CEP135: variants seen among roughly 807,000 people sequenced by gnomAD.
CEP135 encodes the protein centrosomal protein 135.
CEP135 carries 142 observed loss-of-function variants against 157.3 expected under a neutral mutation model. That is an observed-to-expected ratio of 0.90 (90% CI 0.79 to 1.04). CEP135 has a LOEUF of 1.04. Ranked by LOEUF, CEP135 falls within the 50% of genes least tolerant of loss-of-function variation. The pLI is 0.00. For missense variants in CEP135, 1,317 were observed against 1,309.2 expected (o/e 1.01, Z -0.09); for synonymous variants, 396 against 439.8 (o/e 0.90, Z 1.25).
chr4:56,010,161 C>T (rs1294761032), intron 19 of CEP135, among the ~76,000 whole-genome samples: 2 of 138,022 alleles, frequency 1.4e-5, no homozygotes, highest in African/African-American at 2.9e-5. Flanking sequence ...ACCAGCCTGG[C>T]CAACATTGTG....
intron 15 of CEP135, among the ~76,000 whole-genome samples, chr4:55,998,150 G>A (rs1387081876): frequency 6.6e-6 from 1 of 152,032 alleles, no homozygotes; most frequent in Non-Finnish European, 1.5e-5. Context: ...CCCTTTAGGC[G>A]ATTCTAAGCT....
At chr4:56,030,693 G>T (rs887281366) in intron 25 of CEP135, among the ~76,000 whole-genome samples, 2 of 152,040 alleles carry the variant, frequency 1.3e-5, no homozygotes, top group Admixed American at 1.3e-4. Context: ...GGGTTCAAGC[G>T]ATCCTCCTGC....
intron 21 of CEP135, among the ~76,000 whole-genome samples, chr4:56,014,771 G>A (rs1201468658): frequency 1.3e-5 from 2 of 152,148 alleles, no homozygotes; most frequent in Non-Finnish European, 2.9e-5. Flanking sequence ...GCTGACACCT[G>A]TAATCCTAGT....
At chr4:55,981,144 T>A in intron 12 of CEP135, 83 bp from the exon 13 acceptor site, 1 of 1,350,332 alleles carries the variant, frequency 7.4e-7, no homozygotes, top group South Asian at 1.4e-5. Flanking sequence ...ATGCCTTTTT[T>A]AACTGGAAAC....
chr4:55,980,325 G>T, intron 12 of CEP135, 30 bp downstream of exon 12: 1 of 1,393,216 alleles, frequency 7.2e-7, no homozygotes, highest in Non-Finnish European at 1.0e-6. Flanking sequence ...TAAGCCAATA[G>T]ATTGTATAGA....
chr4:56,029,748 T>C (rs1157744092), intron 25 of CEP135, among the ~76,000 whole-genome samples: 1 of 152,192 alleles, frequency 6.6e-6, no homozygotes, highest in Non-Finnish European at 1.5e-5. Context: ...ATGGTATTTG[T>C]GCATCTAAAC....
At chr4:55,951,534 G>A (rs142437875) in intron 1 of CEP135, among the ~76,000 whole-genome samples, 85 of 152,274 alleles carry the variant, frequency 5.6e-4, no homozygotes, top group African/African-American at 1.9e-3. Flanking sequence ...CCTATGCGAG[G>A]TGTCTGTTCG....
chr4:56,030,555 A>C (rs913744887), intron 25 of CEP135, among the ~76,000 whole-genome samples: 1 of 152,172 alleles, frequency 6.6e-6, no homozygotes, highest in Non-Finnish European at 1.5e-5. Context: ...CCTGGGCTCA[A>C]GCAGTCTCCC....
intron 19 of CEP135, among the ~76,000 whole-genome samples, chr4:56,010,526 GTA>G (rs1730545580): frequency 6.6e-6 from 1 of 152,102 alleles, no homozygotes; most frequent in Non-Finnish European, 1.5e-5. Flanking sequence ...ATGAAATTCT[GTA>G]TGTCAGAAAT....
intron 7 of CEP135, chr4:55,964,895 G>A (rs1025792118): frequency 1.3e-5 from 2 of 151,388 alleles, no homozygotes; most frequent in African/African-American, 4.9e-5. Context: ...ATCTACTTAC[G>A]TAGTGGATTC....
At chr4:56,027,356 C>G (rs528693225) in intron 25 of CEP135, among the ~76,000 whole-genome samples, 1 of 152,322 alleles carries the variant, frequency 6.6e-6, no homozygotes, top group South Asian at 2.1e-4. Flanking sequence ...CACAGCCACA[C>G]CCATTTGTTA....
At chr4:56,020,826 C>G (rs994560431) in intron 24 of CEP135, 46 bp downstream of exon 24, 2 of 1,360,740 alleles carry the variant, frequency 1.5e-6, no homozygotes, top group Non-Finnish European at 2.1e-6. Flanking sequence ...TATGTGTTCT[C>G]TATTGTACTT....
At chr4:55,953,833 A>G (rs1171893916) in intron 3 of CEP135, among the ~76,000 whole-genome samples, 1 of 152,184 alleles carries the variant, frequency 6.6e-6, no homozygotes, top group Non-Finnish European at 1.5e-5. Context: ...CAAGTAGAAT[A>G]GGATGATTTC....
intron 10 of CEP135, among the ~76,000 whole-genome samples, chr4:55,972,813 C>T (rs553441686): frequency 7.9e-5 from 12 of 152,278 alleles, no homozygotes; most frequent in African/African-American, 2.9e-4. Flanking sequence ...AGGCGGATCA[C>T]CTGAGGTCGG....
intron 11 of CEP135, among the ~76,000 whole-genome samples, chr4:55,978,226 A>G (rs1486782873): frequency 1.3e-5 from 2 of 152,204 alleles, no homozygotes; most frequent in Non-Finnish European, 2.9e-5. Context: ...CTAGACACTG[A>G]AGATGTAATG....
Position 56,011,496 on chromosome 4 carries a change from C to A in CEP135, c.2590C>A (p.Arg864=). Residue 864 remains arginine (R), a synonymous_variant, in exon 20 of 26, where the codon CGA becomes AGA. Transcript: ENST00000257287. ...TCATAAATACATAACAGAGGTGTCA[C>A]GATGGGAGAGCTTAATGGCTGCCAA... ...RVHKYITEVS[R]WESLMAAKEK... The A allele has an allele frequency of 1.2e-6, 2 of 1,607,272 alleles. No homozygotes were observed. Among genetic ancestry groups the A allele is most frequent in the South Asian group, 1.1e-5 (1 of 89,586 alleles).
At chr4:55,982,446 G>A (rs924494152) in intron 13 of CEP135, among the ~76,000 whole-genome samples, 3 of 152,088 alleles carry the variant, frequency 2.0e-5, no homozygotes, top group African/African-American at 7.2e-5. Context: ...GGTACTATCT[G>A]CCTTTTGTAT....
chr4:56,006,300 T>C (rs1387453152), intron 17 of CEP135, among the ~76,000 whole-genome samples: 2 of 152,238 alleles, frequency 1.3e-5, no homozygotes, highest in Non-Finnish European at 2.9e-5. Flanking sequence ...TTTGACTGCG[T>C]AATTTCAAAT....
chr4:56,009,602 A>G (rs567994211), intron 18 of CEP135, 133 bp from the exon 19 acceptor site: 3 of 712,228 alleles, frequency 4.2e-6, no homozygotes, highest in Non-Finnish European at 6.6e-6. Context: ...TAGGTCTCTT[A>G]ATGCAGCAGT....
Sources: allele counts gnomAD v4.1 joint callset (sites outside exome capture counted in the v4.1 genomes callset), GRCh38; gene constraint gnomAD v4.1.1; transcripts MANE v1.5; gene names NCBI Gene and HGNC (gene_info 2026-07-23, HGNC 2026-07-21).